The following HCN1 variants were observed in gnomAD, a reference collection of about 807,000 sequenced individuals.
HCN1 encodes potassium/sodium hyperpolarization-activated cyclic nucleotide-gated channel 1.
In HCN1, 13 loss-of-function variants were observed where a neutral mutation model predicts 78.9. The observed-to-expected ratio is 0.16, with a 90% confidence interval of 0.11 to 0.26. The LOEUF (loss-of-function observed/expected upper bound fraction) is 0.26. HCN1 is among the 10% of genes least tolerant of loss of function. The pLI is 1.00. For missense variants in HCN1, 810 were observed against 1,154.3 expected, an observed-to-expected ratio of 0.70 and a Z score of 4.32; for synonymous variants, 552 against 455.5, an observed-to-expected ratio of 1.21 and a Z score of -2.70.
At chr5:45,333,795 A>C (rs2111955803) in intron 5 of HCN1, among the ~76,000 whole-genome samples, 1 of 151,866 alleles carries the variant, frequency 6.6e-6, no homozygotes, top group South Asian at 2.1e-4. Flanking sequence ...GAACCTTCAA[A>C]GTGTTTGTTA....
intron 4 of HCN1, among the ~76,000 whole-genome samples, chr5:45,375,223 T>C (rs1193933267): frequency 6.9e-5 from 8 of 116,658 alleles, no homozygotes; most frequent in African/African-American, 2.8e-4. Flanking sequence ...TATAATATAA[T>C]ATTTTATAAT....
chr5:45,381,269 A>G (rs186486861), intron 4 of HCN1, among the ~76,000 whole-genome samples: 7 of 152,220 alleles, frequency 4.6e-5, no homozygotes, highest in East Asian at 3.9e-4. Flanking sequence ...AACCTATCCT[A>G]CGATATAAGA....
chr5:45,466,492 G>C (rs1741273337), intron 2 of HCN1, among the ~76,000 whole-genome samples: 1 of 152,036 alleles, frequency 6.6e-6, no homozygotes, highest in South Asian at 2.1e-4. Context: ...GGCCAAAAAT[G>C]CCTGTCTTGA....
intron 1 of HCN1, among the ~76,000 whole-genome samples, chr5:45,689,533 G>A (rs996037657): frequency 1.3e-5 from 2 of 152,124 alleles, no homozygotes; most frequent in Non-Finnish European, 2.9e-5. Context: ...GTAGAAACTA[G>A]TTATGTGGAG....
intron 2 of HCN1, among the ~76,000 whole-genome samples, chr5:45,566,880 A>C (rs1743718385): frequency 6.6e-6 from 1 of 152,184 alleles, no homozygotes; most frequent in African/African-American, 2.4e-5. Context: ...AACAAGGACA[A>C]GTCAGTATTA....
At chr5:45,610,514 T>C (rs1744811938) in intron 2 of HCN1, among the ~76,000 whole-genome samples, 1 of 149,996 alleles carries the variant, frequency 6.7e-6, no homozygotes, top group South Asian at 2.1e-4. Context: ...AAATATAGAA[T>C]ATCATATATA....
chr5:45,259,555 A>ATATT lies in HCN1; in HGVS notation c.*2365_*2366insAATA, dbSNP rs1744688070. 1 of 152,234 alleles carries ATATT rather than the reference A, an allele frequency of 6.6e-6. No homozygotes were observed. The highest frequency in any genetic ancestry group is 2.4e-5 in the African/African-American group (1 of 41,404). 9.4% of individuals were successfully genotyped at this position (152,234 alleles called of 1,614,324 possible). On this transcript the variant is annotated 3_prime_UTR_variant, in exon 8 of 8. Coordinates refer to ENST00000303230, the MANE Select transcript of HCN1 (RefSeq NM_021072.4). ...TTTTTTTCTTAATCTAAGTATATAT[A>ATATT]CATTCATACATATATGTATATAATT...
intron 4 of HCN1, among the ~76,000 whole-genome samples, chr5:45,368,711 C>T (rs1215710301): frequency 8.0e-6 from 1 of 124,468 alleles, no homozygotes; most frequent in Non-Finnish European, 1.6e-5. Flanking sequence ...CCTCATCTTA[C>T]TAGTGTTCTG....
chr5:45,614,850 A>G (rs1038964099), intron 2 of HCN1, among the ~76,000 whole-genome samples: 3 of 151,938 alleles, frequency 2.0e-5, no homozygotes, highest in Non-Finnish European at 4.4e-5. Flanking sequence ...ACTCCAGATT[A>G]TGTCACCCCA....
chr5:45,335,793 C>G (rs749862726), intron 5 of HCN1, among the ~76,000 whole-genome samples: 2 of 152,002 alleles, frequency 1.3e-5, no homozygotes, highest in African/African-American at 2.4e-5. Flanking sequence ...CTCTGTGAAG[C>G]AGTTATGATC....
intron 2 of HCN1, among the ~76,000 whole-genome samples, chr5:45,516,818 C>G (rs908124209): frequency 5.3e-5 from 8 of 152,062 alleles, no homozygotes; most frequent in African/African-American, 1.9e-4. Flanking sequence ...TTAGTTCATA[C>G]TGTCTTATTA....
At chr5:45,264,969 T>C (rs1442779262) in intron 7 of HCN1, among the ~76,000 whole-genome samples, 1 of 152,124 alleles carries the variant, frequency 6.6e-6, no homozygotes, top group African/African-American at 2.4e-5. Flanking sequence ...GATGGGTGGA[T>C]CATGAGGTTA....
chr5:45,338,191 T>C (rs563102229), intron 5 of HCN1, among the ~76,000 whole-genome samples: 1 of 152,236 alleles, frequency 6.6e-6, no homozygotes, highest in South Asian at 2.1e-4. Context: ...TACCACTGCA[T>C]TTTACATTCT....
At chr5:45,475,437 G>A (rs1170138531) in intron 2 of HCN1, among the ~76,000 whole-genome samples, 1 of 152,022 alleles carries the variant, frequency 6.6e-6, no homozygotes, top group Non-Finnish European at 1.5e-5. Context: ...GTATTTTAAG[G>A]AGTTCCAGAT....
Position 45,260,642 on chromosome 5 carries a change from A to G in HCN1, c.*1279T>C, listed in dbSNP as rs368633252. 5.9e-5 allele frequency: 9 copies of G among 152,650 alleles called. No homozygotes were observed. The East Asian group carries it at 9.6e-4, about 16-fold the overall frequency. 9.5% of individuals were successfully genotyped at this position (152,650 alleles called of 1,614,324 possible). A position where few individuals can be genotyped will look rare whatever the true frequency, so the allele number is the denominator to read the frequency against. Reference sequence around the variant, plus strand: ...ATTTATTTCTTTAAATTAATACCATAGTAAATTACCAGCTACAGTGAAGAC... The same window carrying G: ...ATTTATTTCTTTAAATTAATACCATGGTAAATTACCAGCTACAGTGAAGAC... On this transcript the variant is annotated 3_prime_UTR_variant, in exon 8 of 8. Coordinates refer to ENST00000303230, the MANE Select transcript of HCN1 (RefSeq NM_021072.4).
chr5:45,575,940 A>C (rs1743933841), intron 2 of HCN1: 1 of 152,102 alleles, frequency 6.6e-6, no homozygotes, highest in Non-Finnish European at 1.5e-5. Flanking sequence ...ATAGATGGTG[A>C]TTCCTCTGAT....
At chr5:45,443,412 G>A (rs1198745320) in intron 3 of HCN1, among the ~76,000 whole-genome samples, 2 of 152,024 alleles carry the variant, frequency 1.3e-5, no homozygotes, top group Non-Finnish European at 2.9e-5. Flanking sequence ...TGGAAGGTGA[G>A]TCACAGGTGT....
chr5:45,649,460 T>C (rs375062909), intron 1 of HCN1, among the ~76,000 whole-genome samples: 4 of 152,282 alleles, frequency 2.6e-5, no homozygotes, highest in Non-Finnish European at 5.9e-5. Context: ...TAGGATTCAC[T>C]GTTGGTGTAC....
Position 45,499,630 on chromosome 5 carries a change from A to G in HCN1, c.850-37623T>C, listed in dbSNP as rs561618032. On this transcript the variant is annotated intron_variant, in intron 2 of 7. Coordinates refer to ENST00000303230, the MANE Select transcript of HCN1 (RefSeq NM_021072.4). ...GCTCCTCCCCCTGTGTTTTGATTCA[A>G]TATATTACTAGCACAGAGCAGAGAA... Among the ~76,000 whole-genome samples the G allele has an allele frequency of 1.3e-4, 20 of 152,252 alleles. 1 individual carries two copies. The highest frequency in any genetic ancestry group is 4.8e-4 in the African/African-American group (20 of 41,546).
Sources: gnomAD v4.1 joint callset for allele counts (sites outside exome capture counted in the v4.1 genomes callset) on GRCh38, gnomAD v4.1.1 for gene constraint, MANE v1.5 for transcripts, NCBI Gene and HGNC (gene_info 2026-07-23, HGNC 2026-07-21) for gene names.